NACC1: variants seen among roughly 807,000 people sequenced by gnomAD.
NACC1 encodes the protein nucleus accumbens associated 1, also known as nucleus accumbens-associated protein 1.
In NACC1, 6 loss-of-function variants were observed where a neutral mutation model predicts 41.7. The observed-to-expected ratio is 0.14, with a 90% CI of 0.08 to 0.28. NACC1 has a LOEUF of 0.28. Ranked by LOEUF, NACC1 falls within the 10% of genes least tolerant of loss-of-function variation. NACC1 has a pLI of 1.00. For missense variants in NACC1, 434 were observed against 763.7 expected, an observed-to-expected ratio of 0.57 and a Z score of 5.09; for synonymous variants, 338 against 330.6, an observed-to-expected ratio of 1.02 and a Z score of -0.24.
Position 13,137,526 on chromosome 19 carries a change from C to T in NACC1, c.1275C>T (p.Asn425=), listed in dbSNP as rs1034748037. ...SCGTGIRSST[N]DPRRKPLDSR... is the part of the protein sequence containing the mutation. ...GCACCGGCATCCGCTCTTCTACCAACGATCCCCGTCGGAAGCCCCTGGACA... is the reference window on the plus strand; with the variant it reads ...GCACCGGCATCCGCTCTTCTACCAATGATCCCCGTCGGAAGCCCCTGGACA... Residue 425 remains asparagine, a synonymous_variant, in exon 5 of 6, where the codon AAC becomes AAT. Transcript: ENST00000292431. The surrounding 1 kb of genome is among the most constrained non-coding windows in gnomAD (Gnocchi z 6.1). The T allele has an allele frequency of 5.1e-6, 8 of 1,579,432 alleles. No homozygotes were observed. Among genetic ancestry groups the T allele is most frequent in the African/African-American group, 2.7e-5 (2 of 74,438 alleles).
At chr19:13,131,341 G>A (rs2019632343) in intron 1 of NACC1, among the ~76,000 whole-genome samples, 1 of 152,188 alleles carries the variant, frequency 6.6e-6, no homozygotes, top group Non-Finnish European at 1.5e-5. Context: ...AATGAGCTTG[G>A]AGCACCCCTC....
intron 1 of NACC1, among the ~76,000 whole-genome samples, chr19:13,121,828 C>T (rs1054979212): frequency 2.0e-5 from 3 of 152,182 alleles, no homozygotes; most frequent in African/African-American, 7.2e-5. Flanking sequence ...TGTACACACT[C>T]GAACTCATTT....
intron 1 of NACC1, among the ~76,000 whole-genome samples, chr19:13,127,286 G>GGGAGTT (rs1165798337): frequency 7.0e-6 from 1 of 142,086 alleles, no homozygotes; most frequent in Non-Finnish European, 1.5e-5. Flanking sequence ...ACACTCAGCT[G>GGGAGTT]GGAGTTGGAG....
chr19:13,125,176 A>T (rs1331025264), intron 1 of NACC1, among the ~76,000 whole-genome samples: 2 of 152,120 alleles, frequency 1.3e-5, no homozygotes, highest in South Asian at 2.1e-4. Flanking sequence ...AACAAAACAG[A>T]CTGGGCCATT....
intron 1 of NACC1, among the ~76,000 whole-genome samples, chr19:13,128,950 T>A (rs975728164): frequency 6.6e-6 from 1 of 152,146 alleles, no homozygotes; most frequent in African/African-American, 2.4e-5. Context: ...CCCTCAGGGG[T>A]GCTGATATGC....
rs1235312671 is a variant in NACC1, at chr19:13,137,601, G to A, written c.1324+26G>A. On this transcript the variant is annotated intron_variant, in intron 5 of 5. Transcript: ENST00000292431. This position sits in a 1 kb window ranked among gnomAD's most constrained non-coding sequence, Gnocchi z 6.1. ...GTGAGTGTTGGCCCAGCTGGACGAG[G>A]CGTGGGCCCGGGGCACGCAGGTTGA... The A allele has an allele frequency of 6.5e-7, 1 of 1,541,340 alleles. No homozygotes were observed. Among genetic ancestry groups the A allele is most frequent in the South Asian group, 1.2e-5 (1 of 83,704 alleles).
chr19:13,125,514 A>G (rs556785524), intron 1 of NACC1, among the ~76,000 whole-genome samples: 6 of 145,562 alleles, frequency 4.1e-5, no homozygotes, highest in African/African-American at 1.3e-4. Context: ...TCCGCCTCCC[A>G]GGTTCAAGCG....
rs201660585 is a variant in NACC1, at chr19:13,138,374, G to C, written c.1552G>C (p.Glu518Gln). Residue 518 changes from glutamate (E) to glutamine (Q), a missense_variant, in exon 6 of 6, where the codon GAG (glutamate) becomes CAG (glutamine). Glu to Gln is a conservative substitution (Grantham distance 29, BLOSUM62 2). Coordinates refer to ENST00000292431, the MANE Select transcript of NACC1 (RefSeq NM_052876.4). The surrounding 1 kb of genome is among the most constrained non-coding windows in gnomAD (Gnocchi z 5.7). The part of the protein sequence containing the change: ...HGFETASHEG[E>Q]AGPSAEALQ ...CTTCGAGACCGCCAGCCACGAGGGC[G>C]AGGCGGGTCCCTCGGCTGAAGCCCT... 5 of 1,612,792 alleles carry C rather than the reference G, an allele frequency of 3.1e-6. No homozygotes were observed. The South Asian group carries it at 5.5e-5, about 18-fold the overall frequency.
chr19:13,121,054 A>C (rs540587616), intron 1 of NACC1, among the ~76,000 whole-genome samples: 65 of 152,332 alleles, frequency 4.3e-4, no homozygotes, highest in African/African-American at 1.4e-3. Context: ...GATCAAGATA[A>C]TTTCACATAC....
At position 13,135,534 on chromosome 19, in the gene NACC1, C is replaced by A; in HGVS notation, c.327C>A (p.Ile109=). The change falls in exon 2 of 6, where the codon ATC becomes ATA. Residue 109 remains isoleucine (I), a synonymous_variant. Coordinates refer to ENST00000292431, the MANE Select transcript of NACC1 (RefSeq NM_052876.4). ...LLMYTAGFLQ[I]QEIMEKGTEF... ...TGTACACGGCTGGCTTCCTGCAGAT[C>A]CAGGAGATCATGGAGAAGGGCACCG... 6.2e-7 allele frequency: 1 copy of A among 1,613,182 alleles called. No homozygotes were observed. The highest frequency in any genetic ancestry group is 8.5e-7 in the Non-Finnish European group (1 of 1,179,738).
At chr19:13,120,732 G>T (rs1049277077) in intron 1 of NACC1, among the ~76,000 whole-genome samples, 2 of 152,360 alleles carry the variant, frequency 1.3e-5, no homozygotes. Flanking sequence ...AGGGATAGGG[G>T]ATTGGTGGTA....
At chr19:13,127,371 C>CTTTTTTTTTTTTTTTTTTT (rs147514422) in intron 1 of NACC1, among the ~76,000 whole-genome samples, 2 of 28,510 alleles carry the variant, frequency 7.0e-5, no homozygotes, top group Admixed American at 6.3e-4. Context: ...TATACATATA[C>CTTTTTTTTTTTTTTTTTTT]TTTTTTTTTT....
chr19:13,135,172 T>C (rs769338120), intron 1 of NACC1, 28 bp from the exon 2 acceptor site: 2 of 1,532,946 alleles, frequency 1.3e-6, no homozygotes, highest in South Asian at 2.5e-5. Context: ...CGTCTCTGTC[T>C]CTCCATTCCT....
intron 1 of NACC1, among the ~76,000 whole-genome samples, chr19:13,130,535 C>CTTTTT (rs34032574): frequency 8.8e-4 from 113 of 128,522 alleles, no homozygotes; most frequent in East Asian, 1.3e-3. Context: ...TTTTTCTTTT[C>CTTTTT]TTTTTTTTTT....
At chr19:13,118,789 C>T (rs1341513071) in intron 1 of NACC1, among the ~76,000 whole-genome samples, 1 of 135,942 alleles carries the variant, frequency 7.4e-6, no homozygotes, top group Non-Finnish European at 1.6e-5. Flanking sequence ...CTCGTGGATG[C>T]CGGAGGGGGA....
At chr19:13,119,833 C>T (rs1462376959) in intron 1 of NACC1, among the ~76,000 whole-genome samples, 1 of 152,160 alleles carries the variant, frequency 6.6e-6, no homozygotes, top group Non-Finnish European at 1.5e-5. Flanking sequence ...GCTCGCTGGT[C>T]GGATGAGCTC....
At chr19:13,131,659 T>G (rs1447703165) in intron 1 of NACC1, 13 of 151,632 alleles carry the variant, frequency 8.6e-5, no homozygotes, top group Admixed American at 8.6e-4. Flanking sequence ...CCTAAGGAGG[T>G]TTTGGGGTTT....
At chr19:13,131,262 G>C (rs946516554) in intron 1 of NACC1, among the ~76,000 whole-genome samples, 9 of 152,194 alleles carry the variant, frequency 5.9e-5, no homozygotes, top group Admixed American at 3.3e-4. Flanking sequence ...TGAATAAACT[G>C]AGGCACAGGC....
At chr19:13,118,160 T>G (rs1432474152), upstream of NACC1, 1 of 151,768 alleles carries the variant, frequency 6.6e-6, no homozygotes, top group African/African-American at 2.4e-5. Flanking sequence ...GGAGCTCGGC[T>G]GGCCTCGCCT....
Sources: gnomAD v4.1 joint callset for allele counts (sites outside exome capture counted in the v4.1 genomes callset) on GRCh38, gnomAD v4.1.1 for gene constraint, Gnocchi (gnomAD v3.1) non-coding constraint, MANE v1.5 for transcripts, NCBI Gene and HGNC (gene_info 2026-07-23, HGNC 2026-07-21) for gene names.